Variants in CACNB2 observed in about 807,000 individuals in gnomAD.
CACNB2 encodes voltage-dependent L-type calcium channel subunit beta-2.
A neutral mutation model predicts 73.3 loss-of-function variants in CACNB2; 42 were observed. That is an observed-to-expected ratio of 0.57 (90% CI 0.45 to 0.74). The LOEUF (loss-of-function observed/expected upper bound fraction) is 0.74. CACNB2 is among the 30% of genes least tolerant of loss of function. The pLI is 0.00. For missense variants in CACNB2, 940 were observed against 853.0 expected, an observed-to-expected ratio of 1.10 and a Z score of -1.27; for synonymous variants, 348 against 310.3, an observed-to-expected ratio of 1.12 and a Z score of -1.28.
At chr10:18,515,000 C>A in intron 7 of CACNB2, 1 of 1,613,620 alleles carries the variant, frequency 6.2e-7, no homozygotes, top group East Asian at 2.2e-5. Context: ...TGCAGATGAA[C>A]AAGACCAGTG....
intron 2 of CACNB2, among the ~76,000 whole-genome samples, chr10:18,383,969 G>C (rs987630264): frequency 6.6e-6 from 1 of 152,034 alleles, no homozygotes; most frequent in Non-Finnish European, 1.5e-5. Flanking sequence ...GCCTCCCAAA[G>C]TGCTGGGATT....
intron 3 of CACNB2, among the ~76,000 whole-genome samples, chr10:18,493,156 C>T (rs570980429): frequency 9.9e-5 from 15 of 152,080 alleles, no homozygotes; most frequent in African/African-American, 1.9e-4. Flanking sequence ...TGCAGTTATG[C>T]GCAAATAGTA....
intron 2 of CACNB2, among the ~76,000 whole-genome samples, chr10:18,285,024 C>T (rs764948504): frequency 1.3e-4 from 20 of 152,092 alleles, no homozygotes; most frequent in Admixed American, 2.6e-4. Context: ...GTATTGGAGA[C>T]GTAAGTGAGA....
In CACNB2 at chr10:18,140,594, G is replaced by C. The variant is rs1564287928; in HGVS notation, c.-143G>C. On this transcript the variant is annotated 5_prime_UTR_variant, in exon 1 of 14. Transcript: ENST00000324631. ...GCAGCAGGGCGCCGAGTCCCGGGGC[G>C]CTGCGGGGCGCTGCGCCGAGAACGG... The C allele has an allele frequency of 1.8e-6, 1 of 552,990 alleles. No homozygotes were observed. The highest frequency in any genetic ancestry group is 2.9e-6 in the Non-Finnish European group (1 of 345,250). The allele number at this position is 552,990 out of a possible 1,614,324, so 34.3% of individuals were successfully genotyped here.
chr10:18,358,493 G>A (rs930959609), intron 2 of CACNB2, among the ~76,000 whole-genome samples: 1 of 127,628 alleles, frequency 7.8e-6, no homozygotes, highest in Non-Finnish European at 1.6e-5. Context: ...TTTCTAATGA[G>A]CACGCTCTCT....
At position 18,249,739 on chromosome 10, in the gene CACNB2, C is replaced by T. The variant is rs1317054613; in HGVS notation, c.213+98764C>T. Among the ~76,000 whole-genome samples, 7 of 152,138 alleles carry T rather than the reference C, an allele frequency of 4.6e-5. No individual in the cohort carries two copies. The East Asian group carries it at 5.8e-4, about 13-fold the overall frequency. On this transcript the variant is annotated intron_variant, in intron 2 of 13. Coordinates refer to ENST00000324631, the MANE Select transcript of CACNB2 (RefSeq NM_201596.3). The stretch of plus-strand genomic sequence containing the variant: ...TCACAAAAGCTTGTGGTTCTCAAGA[C>T]CATCTATATGCCACCTTCCTAGTTT...
Position 18,539,343 on chromosome 10 carries a change from C to T in CACNB2, c.1602C>T (p.Ser534=), listed in dbSNP as rs763107822. Residue 534 remains serine (S), a synonymous_variant, in exon 14 of 14, where the codon TCC becomes TCT. Transcript: ENST00000324631. ...AGAAATCCCAGCACCGCTCTTCCTC[C>T]TCAGCCCCACACCACAACCATCGCA... ...PVKKSQHRSS[S]SAPHHNHRSG... is the part of the protein sequence containing the mutation. The T allele has an allele frequency of 1.2e-6, 2 of 1,614,116 alleles. No homozygotes were observed. Among genetic ancestry groups the T allele is most frequent in the Admixed American group, 3.3e-5 (2 of 60,006 alleles).
At chr10:18,507,064 G>C (rs529570083) in intron 6 of CACNB2, among the ~76,000 whole-genome samples, 1 of 152,340 alleles carries the variant, frequency 6.6e-6, no homozygotes, top group African/African-American at 2.4e-5. Context: ...CTCCCAAAGT[G>C]CTGGGTTTAC....
intron 3 of CACNB2, among the ~76,000 whole-genome samples, chr10:18,468,585 C>G (rs1374078890): frequency 1.3e-5 from 2 of 152,066 alleles, no homozygotes; most frequent in Non-Finnish European, 2.9e-5. Flanking sequence ...GACTGAGCGT[C>G]TGATTTTTTT....
At chr10:18,144,929 G>T (rs369699336) in intron 1 of CACNB2, among the ~76,000 whole-genome samples, 2 of 152,176 alleles carry the variant, frequency 1.3e-5, no homozygotes, top group African/African-American at 4.8e-5. Flanking sequence ...TAGCTCCTGC[G>T]TGAAGGTTGG....
intron 2 of CACNB2, among the ~76,000 whole-genome samples, chr10:18,340,146 A>G (rs892423952): frequency 2.0e-5 from 3 of 152,048 alleles, no homozygotes; most frequent in African/African-American, 7.2e-5. Context: ...TAGGAGTTCT[A>G]TTTCCTGGAT....
At chr10:18,486,723 G>T (rs890689565) in intron 3 of CACNB2, among the ~76,000 whole-genome samples, 2 of 152,202 alleles carry the variant, frequency 1.3e-5, no homozygotes, top group Non-Finnish European at 2.9e-5. Context: ...AAGGCCAGGG[G>T]ATAGAGGGCA....
At chr10:18,430,717 T>C (rs2045849218) in intron 3 of CACNB2, among the ~76,000 whole-genome samples, 1 of 152,234 alleles carries the variant, frequency 6.6e-6, no homozygotes, top group African/African-American at 2.4e-5. Flanking sequence ...TTCTGTCCTG[T>C]GATCTGTGTT....
intron 2 of CACNB2, among the ~76,000 whole-genome samples, chr10:18,387,929 A>C (rs193287618): frequency 1.4e-3 from 206 of 151,878 alleles, no homozygotes; most frequent in Non-Finnish European, 2.3e-3. Flanking sequence ...GCTCGTTTTA[A>C]AATTTTTTGT....
At chr10:18,167,701 T>C (rs944732187) in intron 2 of CACNB2, among the ~76,000 whole-genome samples, 2 of 152,066 alleles carry the variant, frequency 1.3e-5, no homozygotes, top group African/African-American at 4.8e-5. Context: ...GTGAGGATAA[T>C]AATACAGAAT....
chr10:18,365,080 T>A (rs543784912), intron 2 of CACNB2, among the ~76,000 whole-genome samples: 17 of 152,190 alleles, frequency 1.1e-4, no homozygotes, highest in Non-Finnish European at 2.1e-4. Context: ...TCTAGAGAAG[T>A]TAAGGCACTT....
chr10:18,462,158 T>C (rs1424965472), intron 3 of CACNB2, among the ~76,000 whole-genome samples: 1 of 152,200 alleles, frequency 6.6e-6, no homozygotes. Flanking sequence ...TGTCCAAGGA[T>C]CCTGGGACAG....
rs541132828 is a variant in CACNB2, at chr10:18,499,049, A to G, written c.456+572A>G. Reference sequence around the variant, plus strand: ...CCACCTTCTAGTGAGCAATGACACAACCTGCAAATTGGAAACTTTCATCCT... The same window carrying G: ...CCACCTTCTAGTGAGCAATGACACAGCCTGCAAATTGGAAACTTTCATCCT... On this transcript the variant is annotated intron_variant, in intron 4 of 13. Coordinates refer to ENST00000324631, the MANE Select transcript of CACNB2 (RefSeq NM_201596.3). Among the ~76,000 whole-genome samples, 37 of 152,280 alleles carry G rather than the reference A, an allele frequency of 2.4e-4. 1 individual carries two copies. The highest frequency in any genetic ancestry group is 2.3e-3 in the Admixed American group (35 of 15,298).
At chr10:18,329,504 G>GAA (rs11413915) in intron 2 of CACNB2, among the ~76,000 whole-genome samples, 202 of 112,492 alleles carry the variant, frequency 1.8e-3, no homozygotes, top group East Asian at 3.2e-3. Context: ...AGTAAAAAAA[G>GAA]AAAAAAAAAA....
Sources: allele counts gnomAD v4.1 joint callset (sites outside exome capture counted in the v4.1 genomes callset), GRCh38; gene constraint gnomAD v4.1.1; transcripts MANE v1.5; gene names NCBI Gene and HGNC (gene_info 2026-07-23, HGNC 2026-07-21).